Variants in KIAA0825 observed in about 807,000 individuals in gnomAD.
KIAA0825 encodes KIAA0825.
In KIAA0825, 119 loss-of-function variants were observed where a neutral mutation model predicts 147.6. That is an observed-to-expected ratio of 0.81 (90% confidence interval 0.69 to 0.94). The LOEUF (loss-of-function observed/expected upper bound fraction) is 0.94, where lower values mean the gene tolerates loss of function less well. Ranked by LOEUF, KIAA0825 falls within the 40% of genes least tolerant of loss-of-function variation. The probability of loss-of-function intolerance (pLI) is 0.00; values close to 1 mark genes in which losing one functional copy is unlikely to be tolerated. For synonymous variants in KIAA0825, 470 were observed against 518.1 expected, an observed-to-expected ratio of 0.91 and a Z score of 1.26; for missense variants, 1,381 against 1,472.7, an observed-to-expected ratio of 0.94 and a Z score of 1.02.
intron 5 of KIAA0825, among the ~76,000 whole-genome samples, chr5:94,494,938 C>T (rs1222985651): frequency 6.6e-6 from 1 of 152,064 alleles, no homozygotes; most frequent in Non-Finnish European, 1.5e-5. Flanking sequence ...AAATTAATGC[C>T]ATCATCAAAA....
At chr5:94,262,763 C>T (rs1776557782) in intron 20 of KIAA0825, among the ~76,000 whole-genome samples, 1 of 151,968 alleles carries the variant, frequency 6.6e-6, no homozygotes, top group African/African-American at 2.4e-5. Flanking sequence ...GATACATACA[C>T]ATCTCTCATT....
At chr5:94,333,309 T>A (rs1233667906) in intron 20 of KIAA0825, among the ~76,000 whole-genome samples, 1 of 152,224 alleles carries the variant, frequency 6.6e-6, no homozygotes, top group East Asian at 1.9e-4. Context: ...CCCATGCCTA[T>A]GTCCTGAATG....
intron 2 of KIAA0825, among the ~76,000 whole-genome samples, chr5:94,578,056 G>A (rs1445761565): frequency 6.6e-6 from 1 of 152,162 alleles, no homozygotes; most frequent in Non-Finnish European, 1.5e-5. Flanking sequence ...TACAAAAACT[G>A]AGGTTTGTGG....
chr5:94,550,030 A>G (rs541714260), intron 2 of KIAA0825, among the ~76,000 whole-genome samples: 13 of 152,336 alleles, frequency 8.5e-5, no homozygotes, highest in African/African-American at 2.4e-4. Context: ...GATAAACAGA[A>G]TGTGGTACAT....
At chr5:94,291,605 G>A (rs1385384601) in intron 20 of KIAA0825, among the ~76,000 whole-genome samples, 1 of 152,032 alleles carries the variant, frequency 6.6e-6, no homozygotes, top group East Asian at 1.9e-4. Flanking sequence ...GGCTCTTTTT[G>A]ATTCCATATG....
At chr5:94,309,463 GCA>G (rs1418030692) in intron 20 of KIAA0825, among the ~76,000 whole-genome samples, 1 of 151,568 alleles carries the variant, frequency 6.6e-6, no homozygotes, top group Non-Finnish European at 1.5e-5. Context: ...AAAAAGCCAA[GCA>G]CACAGTTTCT....
At chr5:94,601,024 G>A (rs550608233) in intron 1 of KIAA0825, among the ~76,000 whole-genome samples, 4 of 152,272 alleles carry the variant, frequency 2.6e-5, no homozygotes, top group Admixed American at 1.3e-4. Flanking sequence ...CTAGGCTTCA[G>A]AAAGCCCAAC....
rs975505876 is a variant in KIAA0825, at chr5:94,323,006, A to G, written c.3710+61362T>C. 9.2e-5 allele frequency among the ~76,000 whole-genome samples: 14 copies of G among 151,864 alleles called. No individual in the cohort carries two copies. In the East Asian group the frequency reaches 2.5e-3, roughly 27 times the overall value. ...TACGTGAATGTGCCAATGCAAAGGC[A>G]TATGTATTTGTTACATCTGTTTATG... On this transcript the variant is annotated intron_variant, in intron 20 of 20. Transcript: ENST00000682413.
intron 7 of KIAA0825, among the ~76,000 whole-genome samples, chr5:94,474,360 C>T (rs902726174): frequency 6.6e-6 from 1 of 152,120 alleles, no homozygotes; most frequent in Non-Finnish European, 1.5e-5. Flanking sequence ...GCTTAGGATT[C>T]AACTTTCCCT....
intron 1 of KIAA0825, among the ~76,000 whole-genome samples, chr5:94,603,400 T>A (rs189558274): frequency 1.8e-3 from 277 of 152,258 alleles, no homozygotes; most frequent in African/African-American, 5.9e-3. Flanking sequence ...CCACCATACC[T>A]GCCTTACAAG....
intron 20 of KIAA0825, among the ~76,000 whole-genome samples, chr5:94,169,994 G>A (rs549634752): frequency 6.6e-6 from 1 of 152,214 alleles, no homozygotes; most frequent in East Asian, 1.9e-4. Context: ...TTACCCATAA[G>A]GGTACATCTC....
intron 20 of KIAA0825, among the ~76,000 whole-genome samples, chr5:94,333,966 G>A (rs1027598299): frequency 1.7e-4 from 26 of 152,112 alleles, no homozygotes; most frequent in Non-Finnish European, 4.4e-5. Context: ...ACAAACAAAT[G>A]GAGAAACATT....
intron 20 of KIAA0825, among the ~76,000 whole-genome samples, chr5:94,330,641 GAT>G (rs1395433774): frequency 6.6e-6 from 1 of 151,822 alleles, no homozygotes; most frequent in Non-Finnish European, 1.5e-5. Context: ...CTAAGATTAT[GAT>G]ATAAGAAATT....
At chr5:94,504,839 C>T (rs1342969659) in intron 5 of KIAA0825, among the ~76,000 whole-genome samples, 4 of 151,116 alleles carry the variant, frequency 2.6e-5, no homozygotes. Context: ...CCTCTGCTTC[C>T]CAGGTTCAAG....
chr5:94,480,002 T>C lies in KIAA0825; in HGVS notation c.1133-2797A>G, dbSNP rs1254066971. ...ATACAAGTTCTTTATCATATATGTG[T>C]TTTGCAAATAGTTTTTTCTTAGTTT... On this transcript the variant is annotated intron_variant, in intron 6 of 20. Coordinates refer to ENST00000682413, the MANE Select transcript of KIAA0825 (RefSeq NM_001145678.3). Among the ~76,000 whole-genome samples, 4 of 152,076 alleles carry C rather than the reference T, an allele frequency of 2.6e-5. No individual in the cohort carries two copies. In the East Asian group the frequency reaches 7.7e-4, roughly 29 times the overall value.
chr5:94,181,211 A>C (rs1176117756), intron 20 of KIAA0825, among the ~76,000 whole-genome samples: 1 of 152,200 alleles, frequency 6.6e-6, no homozygotes, highest in Non-Finnish European at 1.5e-5. Flanking sequence ...GAGCATTTGC[A>C]TTGTGAGCAT....
At chr5:94,191,405 C>T (rs1770666923) in intron 20 of KIAA0825, among the ~76,000 whole-genome samples, 1 of 152,100 alleles carries the variant, frequency 6.6e-6, no homozygotes, top group Non-Finnish European at 1.5e-5. Context: ...TGAAACAATT[C>T]ATCATGCAGA....
intron 2 of KIAA0825, among the ~76,000 whole-genome samples, chr5:94,574,656 C>A (rs1780666711): frequency 6.6e-6 from 1 of 151,762 alleles, no homozygotes; most frequent in South Asian, 2.1e-4. Context: ...TGTTTCACAA[C>A]CTCAGCTCTT....
At position 94,446,771 on chromosome 5, in the gene KIAA0825, G is replaced by A. The variant is rs148711241; in HGVS notation, c.2357+6188C>T. The stretch of plus-strand genomic sequence containing the variant: ...CCATAAGTATGCCATGATAAAATGT[G>A]AGTTTTGAAAATAGATTTGGGTTTG... On this transcript the variant is annotated intron_variant, in intron 13 of 20. Coordinates refer to ENST00000682413, the MANE Select transcript of KIAA0825 (RefSeq NM_001145678.3). Among the ~76,000 whole-genome samples, 10 of 152,240 alleles carry A rather than the reference G, an allele frequency of 6.6e-5. 1 individual carries two copies. The East Asian group carries it at 1.7e-3, about 26-fold the overall frequency.
Sources: allele counts gnomAD v4.1 joint callset (sites outside exome capture counted in the v4.1 genomes callset), GRCh38; gene constraint gnomAD v4.1.1; transcripts MANE v1.5; gene names NCBI Gene and HGNC (gene_info 2026-07-23, HGNC 2026-07-21).